NPM3: variants seen among roughly 807,000 people sequenced by gnomAD.
NPM3 encodes the protein nucleophosmin/nucleoplasmin 3.
In NPM3, 12 loss-of-function variants were observed where a neutral mutation model predicts 18.1. The observed-to-expected ratio is 0.66, with a 90% CI of 0.42 to 1.07. NPM3 has a LOEUF of 1.07. Ranked by LOEUF, NPM3 falls within the 50% of genes least tolerant of loss-of-function variation. The probability of loss-of-function intolerance (pLI) is 0.00; values close to 1 mark genes in which losing one functional copy is unlikely to be tolerated. For synonymous variants in NPM3, 116 were observed against 93.7 expected (o/e 1.24, Z -1.38); for missense variants, 274 against 232.1 (o/e 1.18, Z -1.17).
chr10:101,782,330 G>A (rs142969681), exon 4 of NPM3: 1 of 1,613,996 alleles, frequency 6.2e-7, no homozygotes. Flanking sequence ...GGTGGTTGGA[G>A]CTGGAAGTCA....
exon 4 of NPM3, chr10:101,782,334 G>A: frequency 3.7e-6 from 6 of 1,613,938 alleles, no homozygotes; most frequent in Non-Finnish European, 4.2e-6. Flanking sequence ...GTTGGAGCTG[G>A]AAGTCATCCA....
chr10:101,782,213 G>T, intron 4 of NPM3, 45 bp downstream of exon 4: 1 of 1,525,620 alleles, frequency 6.6e-7, no homozygotes. Flanking sequence ...AGCCTGATGG[G>T]AGAGTCCACT....
At chr10:101,782,262 C>G (rs1361032478) in exon 4 of NPM3, 1 of 1,613,478 alleles carries the variant, frequency 6.2e-7, no homozygotes, top group South Asian at 1.1e-5. Flanking sequence ...TCTCACCAAT[C>G]TGGTGCCGCC....
chr10:101,782,323 G>A (rs2065147597), exon 4 of NPM3: 2 of 1,613,960 alleles, frequency 1.2e-6, no homozygotes, highest in East Asian at 2.2e-5. Context: ...GGTTACAGGT[G>A]GTTGGAGCTG....
chr10:101,782,344 A>G lies in NPM3; in HGVS notation c.332T>C (p.Leu111Pro), dbSNP rs1276292827. The change falls in exon 4 of 6, where the codon CTG (leucine) becomes CCG (proline). Residue 111 changes from leucine (L) to proline (P), a missense_variant. By Grantham distance (98) the Leu-to-Pro change is moderately conservative (BLOSUM62 -3). Transcript: ENST00000370110. ...AGGTGGTTGGAGCTGGAAGTCATCC[A>G]GACTGAGCTGGGAGGAAGACAAGGA... The G allele has an allele frequency of 4.7e-5, 76 of 1,613,736 alleles. No individual in the cohort carries two copies. The East Asian group carries it at 1.1e-3, about 23-fold the overall frequency.
At chr10:101,782,167 T>G in intron 4 of NPM3, 91 bp downstream of exon 4, 4 of 1,161,130 alleles carry the variant, frequency 3.4e-6, no homozygotes, top group Non-Finnish European at 5.0e-6. Flanking sequence ...CACTGGGAGA[T>G]GAGGGTGGGA....
At chr10:101,782,570 C>G in exon 3 of NPM3, 2 of 1,614,096 alleles carry the variant, frequency 1.2e-6, no homozygotes, top group Admixed American at 1.7e-5. Context: ...ACATTACACT[C>G]GTCTTTGGCT....
exon 6 of NPM3, chr10:101,781,578 G>A: frequency 3.1e-6 from 1 of 321,634 alleles, no homozygotes; most frequent in Non-Finnish European, 5.1e-6. Flanking sequence ...ATTTACAATT[G>A]TTGAAACTTG....
In NPM3 at chr10:101,783,277, G is replaced by GA; in HGVS notation, c.113dup (p.Phe39LeufsTer4). ...AGCCTCTCCCTTCACTAATACCGAA[G>GA]AAAAAACTGTCCATAGTGACCGGGG... is the stretch of plus-strand genomic sequence containing the variant. On this transcript the variant is annotated frameshift_variant, in exon 1 of 6. Coordinates refer to ENST00000370110, the Ensembl canonical transcript of NPM3. LOFTEE classifies it high-confidence loss of function. 6.2e-7 allele frequency: 1 copy of GA among 1,602,840 alleles called. No individual in the cohort carries two copies. Among genetic ancestry groups the GA allele is most frequent in the Non-Finnish European group, 8.5e-7 (1 of 1,174,090 alleles).
At chr10:101,783,317 C>T (rs766057314) in exon 1 of NPM3, 5 of 1,612,370 alleles carry the variant, frequency 3.1e-6, no homozygotes, top group Admixed American at 1.7e-5. Context: ...GACCCGTAGG[C>T]CCCCGACACC....
exon 1 of NPM3, chr10:101,783,341 C>T (rs1176815903): frequency 6.2e-7 from 1 of 1,612,964 alleles, no homozygotes. Flanking sequence ...GGCCCGCGTT[C>T]GGCTCTCCTG....
rs558786358 is a variant in NPM3, at chr10:101,782,176, G to A, written c.418+82C>T. The stretch of plus-strand genomic sequence containing the variant: ...GGGCTGCACTGGGAGATGAGGGTGG[G>A]ATGGGGCAGGAGTGCGGAGTGGGGG... On this transcript the variant is annotated intron_variant, in intron 4 of 5. Transcript: ENST00000370110. 333 of 1,242,202 alleles carry A rather than the reference G, an allele frequency of 2.7e-4. 1 individual carries two copies. The South Asian group carries it at 4.1e-3, about 15-fold the overall frequency. The allele number at this position is 1,242,202 out of a possible 1,614,324, so 76.9% of individuals were successfully genotyped here.
chr10:101,782,180 G>A (rs2065146082), intron 4 of NPM3, 78 bp downstream of exon 4: 2 of 1,277,776 alleles, frequency 1.6e-6, no homozygotes, highest in Admixed American at 3.9e-5. Flanking sequence ...GGGTGGGATG[G>A]GGCAGGAGTG....
rs377186384 is a variant in NPM3 at position 101,783,350 on chromosome 10, T to C, written c.41A>G (p.Gln14Arg). The C allele has an allele frequency of 5.1e-5, 82 of 1,612,928 alleles. No individual in the cohort carries two copies. The highest frequency in any genetic ancestry group is 6.7e-5 in the Non-Finnish European group (79 of 1,179,528). ...ACCCCCGGCCCGCGTTCGGCTCTCC[T>C]GACTCAAAAACGCTAAGGCAGCTGC... The change falls in exon 1 of 6, where the codon CAG (glutamine) becomes CGG (arginine). Residue 14 changes from glutamine to arginine, a missense_variant. Physicochemically the swap from Gln to Arg is conservative, Grantham distance 43 (BLOSUM62 1). Transcript: ENST00000370110.
chr10:101,781,339 A>T, exon 6 of NPM3: 1 of 201,004 alleles, frequency 5.0e-6, no homozygotes. Flanking sequence ...AAAACTCCAC[A>T]CCACTTTATT....
At chr10:101,783,141 GC>G in intron 1 of NPM3, 131 bp downstream of exon 1, 2 of 847,840 alleles carry the variant, frequency 2.4e-6, no homozygotes, top group Non-Finnish European at 3.8e-6. Context: ...TGCGTGCGAG[GC>G]CCCCTCTCCT....
At chr10:101,782,789 T>C (rs775071224) in intron 2 of NPM3, 50 bp downstream of exon 2, 2 of 1,601,260 alleles carry the variant, frequency 1.2e-6, no homozygotes, top group Admixed American at 1.7e-5. Flanking sequence ...TAGAGACCTA[T>C]ATTGCCTGCC....
exon 5 of NPM3, chr10:101,781,737 T>A (rs2065142193): frequency 6.2e-7 from 1 of 1,613,806 alleles, no homozygotes; most frequent in African/African-American, 1.3e-5. Context: ...CTAGGAGGGC[T>A]AGGGCCTGCC....
exon 1 of NPM3, chr10:101,783,401 C>T: frequency 1.3e-6 from 2 of 1,575,848 alleles, no homozygotes; most frequent in Non-Finnish European, 1.7e-6. Flanking sequence ...GCTGTAAGAG[C>T]CTTCTTCAAA....
Sources: gnomAD v4.1 joint callset for allele counts on GRCh38, gnomAD v4.1.1 for gene constraint, MANE v1.5 for transcripts, NCBI Gene and HGNC (gene_info 2026-07-23, HGNC 2026-07-21) for gene names.